Variants in PDE1C observed in about 807,000 individuals in gnomAD.
PDE1C encodes the protein phosphodiesterase 1C.
In PDE1C, 62 loss-of-function variants were observed where a neutral mutation model predicts 93.1. That is an observed-to-expected ratio of 0.67 (90% CI 0.54 to 0.82). PDE1C has a LOEUF of 0.82. Among genes scored for constraint, PDE1C ranks in the 40% least tolerant of loss-of-function variants. PDE1C has a pLI of 0.00. For missense variants in PDE1C, 742 were observed against 884.6 expected, an observed-to-expected ratio of 0.84 and a Z score of 2.04; for synonymous variants, 325 against 310.1, an observed-to-expected ratio of 1.05 and a Z score of -0.50.
chr7:32,099,512 G>A (rs997076839), intron 3 of PDE1C, among the ~76,000 whole-genome samples: 3 of 152,048 alleles, frequency 2.0e-5, no homozygotes, highest in Non-Finnish European at 4.4e-5. Flanking sequence ...TTATATTTTT[G>A]CCATCTTTTT....
At chr7:31,743,825 C>T in the PDE1C span, among the ~76,000 whole-genome samples, 1 of 152,092 alleles carries the variant, frequency 6.6e-6, no homozygotes, top group Non-Finnish European at 1.5e-5. Context: ...AATTGGAGCC[C>T]AGGCAAATTC....
chr7:32,054,405 G>A (rs1405501880), intron 1 of PDE1C, among the ~76,000 whole-genome samples: 2 of 152,178 alleles, frequency 1.3e-5, no homozygotes, highest in East Asian at 3.9e-4. Context: ...ATGAGATAGT[G>A]TATTAAATTT....
At chr7:32,279,131 T>C (rs920473561) in intron 1 of PDE1C, among the ~76,000 whole-genome samples, 1 of 152,178 alleles carries the variant, frequency 6.6e-6, no homozygotes, top group East Asian at 1.9e-4. Context: ...TACACTAACA[T>C]AGCGTAGCAA....
At chr7:31,692,037 C>T in the PDE1C span, among the ~76,000 whole-genome samples, 1 of 152,154 alleles carries the variant, frequency 6.6e-6, no homozygotes, top group African/African-American at 2.4e-5. Flanking sequence ...CAGAACTCAA[C>T]AGAAAAAACA....
the PDE1C span, among the ~76,000 whole-genome samples, chr7:31,635,236 C>T: frequency 8.5e-5 from 13 of 152,122 alleles, no homozygotes; most frequent in Non-Finnish European, 1.8e-4. Context: ...ATTTGGAAAT[C>T]CTACATCTAG....
intron 2 of PDE1C, among the ~76,000 whole-genome samples, chr7:31,918,537 C>T (rs1376355398): frequency 6.6e-6 from 1 of 152,146 alleles, no homozygotes; most frequent in Non-Finnish European, 1.5e-5. Context: ...ATGAACCATT[C>T]GTTCAGAGCT....
intron 2 of PDE1C, among the ~76,000 whole-genome samples, chr7:31,898,945 T>C (rs1799637326): frequency 6.6e-6 from 1 of 152,126 alleles, no homozygotes; most frequent in Non-Finnish European, 1.5e-5. Context: ...GCTTCCTCCA[T>C]TGCAACTAGA....
chr7:31,731,747 C>A, the PDE1C span, among the ~76,000 whole-genome samples: 1 of 150,402 alleles, frequency 6.6e-6, no homozygotes, highest in Non-Finnish European at 1.5e-5. Context: ...TTCACTAGCA[C>A]CCGGGTCTGG....
At chr7:31,684,368 G>T in the PDE1C span, among the ~76,000 whole-genome samples, 1 of 152,154 alleles carries the variant, frequency 6.6e-6, no homozygotes, top group African/African-American at 2.4e-5. Context: ...TCTCCAAAGA[G>T]CCTCAGAAAA....
intron 15 of PDE1C, among the ~76,000 whole-genome samples, chr7:31,813,140 C>T (rs1299424141): frequency 6.6e-6 from 1 of 151,984 alleles, no homozygotes; most frequent in Non-Finnish European, 1.5e-5. Flanking sequence ...CATTTCTAAC[C>T]CACTCTGTTA....
intron 1 of PDE1C, among the ~76,000 whole-genome samples, chr7:32,286,827 T>C (rs1812031642): frequency 6.6e-6 from 1 of 152,222 alleles, no homozygotes. Flanking sequence ...GAGGTTTTCT[T>C]TCCTGAGTGC....
chr7:32,021,952 C>T (rs1788737861), intron 2 of PDE1C, among the ~76,000 whole-genome samples: 1 of 152,084 alleles, frequency 6.6e-6, no homozygotes, highest in South Asian at 2.1e-4. Flanking sequence ...CCAATACCTT[C>T]TGTCTTAGGA....
intron 2 of PDE1C, among the ~76,000 whole-genome samples, chr7:31,930,579 G>A (rs1178939605): frequency 2.0e-5 from 3 of 151,974 alleles, no homozygotes; most frequent in Admixed American, 6.6e-5. Flanking sequence ...GGTGGCTCAC[G>A]CCTGTAATCC....
chr7:31,964,834 C>G (rs191819729), intron 2 of PDE1C, among the ~76,000 whole-genome samples: 7 of 152,300 alleles, frequency 4.6e-5, no homozygotes, highest in African/African-American at 1.7e-4. Context: ...GTTGCTGATA[C>G]CCAGGCAAAC....
At chr7:31,627,677 A>AAAAAAAC in the PDE1C span, among the ~76,000 whole-genome samples, 1 of 151,426 alleles carries the variant, frequency 6.6e-6, no homozygotes. Flanking sequence ...AAAAAAAAAA[A>AAAAAAAC]AAAAAATTCA....
intron 1 of PDE1C, among the ~76,000 whole-genome samples, chr7:32,232,892 T>C (rs937366176): frequency 6.6e-6 from 1 of 152,284 alleles, no homozygotes; most frequent in Admixed American, 6.5e-5. Context: ...CAAACTCAAC[T>C]GGGTCAACTG....
At chr7:31,807,311 C>G (rs1786974960) in intron 16 of PDE1C, among the ~76,000 whole-genome samples, 2 of 151,902 alleles carry the variant, frequency 1.3e-5, no homozygotes, top group African/African-American at 4.8e-5. Flanking sequence ...AGTCTGCTTA[C>G]TGCCCCATGA....
intron 2 of PDE1C, among the ~76,000 whole-genome samples, chr7:31,933,459 T>A (rs1309347990): frequency 6.6e-6 from 1 of 152,192 alleles, no homozygotes; most frequent in African/African-American, 2.4e-5. Flanking sequence ...CCAATTATTG[T>A]ATTGGAAGAA....
In PDE1C at chr7:32,368,730, T is replaced by C. The variant is rs369386137; in HGVS notation, c.310+59092A>G. Among the ~76,000 whole-genome samples, 11 of 152,194 alleles carry C rather than the reference T, an allele frequency of 7.2e-5. 2 individuals are homozygous for C. The highest frequency in any genetic ancestry group is 1.9e-4 in the East Asian group (1 of 5,178). On this transcript the variant is annotated intron_variant, in intron 1 of 1. Transcript: ENST00000672256. ...AGCAAAAAGAACAAAGCTGGAAGCA[T>C]CACACTTCCAGACTTCAATCTGGAA... is the stretch of plus-strand genomic sequence containing the variant.
Sources: allele counts gnomAD v4.1 joint callset (sites outside exome capture counted in the v4.1 genomes callset), GRCh38; gene constraint gnomAD v4.1.1; transcripts MANE v1.5; gene names NCBI Gene and HGNC (gene_info 2026-07-23, HGNC 2026-07-21).